KDM4C: variants seen among roughly 807,000 people sequenced by gnomAD.
KDM4C encodes the protein lysine-specific demethylase 4C.
KDM4C carries 81 observed loss-of-function variants against 129.3 expected under a neutral mutation model. That is an observed-to-expected ratio of 0.63 (90% CI 0.52 to 0.75). The LOEUF is 0.75. Among genes scored for constraint, KDM4C ranks in the 30% least tolerant of loss-of-function variants. KDM4C has a pLI of 0.00. For synonymous variants in KDM4C, 573 were observed against 456.1 expected, an observed-to-expected ratio of 1.26 and a Z score of -3.26; for missense variants, 1,457 against 1,304.0, an observed-to-expected ratio of 1.12 and a Z score of -1.81.
intron 15 of KDM4C, among the ~76,000 whole-genome samples, chr9:7,017,429 T>C (rs1414680439): frequency 6.6e-6 from 1 of 152,230 alleles, no homozygotes; most frequent in Non-Finnish European, 1.5e-5. Flanking sequence ...TCTAAAGACC[T>C]TGTTAAAAAT....
chr9:6,742,861 AG>A (rs943113791), intron 1 of KDM4C, among the ~76,000 whole-genome samples: 59 of 152,100 alleles, frequency 3.9e-4, no homozygotes, highest in African/African-American at 1.3e-3. Flanking sequence ...AAACATCTTC[AG>A]TGTCAGTAGC....
intron 19 of KDM4C, among the ~76,000 whole-genome samples, chr9:7,163,853 GT>G (rs1191299462): frequency 1.3e-5 from 2 of 152,168 alleles, no homozygotes; most frequent in African/African-American, 4.8e-5. Flanking sequence ...CATATTGTCA[GT>G]TCTGTAGAGC....
chr9:7,078,405 T>C lies in KDM4C; in HGVS notation c.2425-25280T>C, dbSNP rs554110971. ...TTCCTAGGTTTCCTTTTTTTTTTTG[T>C]CTTCAACACAGAGCCTCTGGGTTTT... is the stretch of plus-strand genomic sequence containing the variant. On this transcript the variant is annotated intron_variant, in intron 17 of 21. Coordinates refer to ENST00000381309, the MANE Select transcript of KDM4C (RefSeq NM_015061.6). Among the ~76,000 whole-genome samples, 110 of 151,952 alleles carry C rather than the reference T, an allele frequency of 7.2e-4. 2 individuals are homozygous for C. The highest frequency in any genetic ancestry group is 6.8e-3 in the Middle Eastern group (2 of 294).
intron 19 of KDM4C, among the ~76,000 whole-genome samples, chr9:7,128,834 C>T (rs1202351887): frequency 6.6e-6 from 1 of 152,098 alleles, no homozygotes; most frequent in Non-Finnish European, 1.5e-5. Flanking sequence ...TCTCCATCTC[C>T]TCCTTCCTCT....
intron 1 of KDM4C, 120 bp from the exon 2 acceptor site, chr9:6,792,852 G>A: frequency 1.0e-6 from 1 of 968,456 alleles, no homozygotes; most frequent in Non-Finnish European, 1.6e-6. Context: ...ACTGGTAGAA[G>A]GGAATGGGAA....
intron 1 of KDM4C, among the ~76,000 whole-genome samples, chr9:6,777,032 A>G (rs774762647): frequency 5.3e-5 from 8 of 152,196 alleles, no homozygotes; most frequent in Middle Eastern, 3.4e-3. Flanking sequence ...TGTATTGTCA[A>G]CTTTTCCAGG....
At chr9:6,902,302 A>C (rs1169630945) in intron 8 of KDM4C, among the ~76,000 whole-genome samples, 1 of 152,102 alleles carries the variant, frequency 6.6e-6, no homozygotes, top group Non-Finnish European at 1.5e-5. Flanking sequence ...TTTTAAGGGG[A>C]GGAAGGGAGA....
chr9:6,872,770 C>T (rs1372396589), intron 5 of KDM4C, among the ~76,000 whole-genome samples: 2 of 152,030 alleles, frequency 1.3e-5, no homozygotes, highest in South Asian at 2.1e-4. Context: ...GGTCTTTGCA[C>T]GTGAGATGAG....
chr9:7,037,819 A>G (rs1423772600), intron 15 of KDM4C, among the ~76,000 whole-genome samples: 1 of 152,154 alleles, frequency 6.6e-6, no homozygotes, highest in Admixed American at 6.5e-5. Context: ...TAATCATGTT[A>G]CAACAGGCAT....
intron 13 of KDM4C, among the ~76,000 whole-genome samples, chr9:7,012,543 G>T (rs1822900287): frequency 6.6e-6 from 1 of 152,072 alleles, no homozygotes; most frequent in Admixed American, 6.6e-5. Context: ...AATTTTAAGT[G>T]TCTCTTTTCA....
In KDM4C at chr9:6,849,552, G is replaced by T; in HGVS notation, c.481G>T (p.Val161Leu). 3 of 1,613,076 alleles carry T rather than the reference G, an allele frequency of 1.9e-6. No homozygotes were observed. Among genetic ancestry groups the T allele is most frequent in the Non-Finnish European group, 2.5e-6 (3 of 1,179,232 alleles). ...AGCTCGCCTCAATACAGTCTTGGAT[G>T]TGGTTGAAGAAGAGTGTGGCATTTC... Reference protein sequence around the residue: ...NIARLNTVLDVVEEECGISIE... With the variant: ...NIARLNTVLDLVEEECGISIE... Residue 161 changes from valine (V) to leucine (L), a missense_variant, in exon 5 of 22, where the codon GTG becomes TTG. Transcript: ENST00000381309.
chr9:6,913,717 T>G (rs1371995125), intron 8 of KDM4C, among the ~76,000 whole-genome samples: 1 of 152,238 alleles, frequency 6.6e-6, no homozygotes, highest in Non-Finnish European at 1.5e-5. Context: ...GGACAGTTTC[T>G]ACTCTATTAT....
At chr9:6,779,032 C>CCTTTTTTTTTT (rs372481015) in intron 1 of KDM4C, among the ~76,000 whole-genome samples, 7 of 94,628 alleles carry the variant, frequency 7.4e-5, no homozygotes, top group East Asian at 7.5e-4. Flanking sequence ...TGATTAAAGT[C>CCTTTTTTTTTT]TTTTTTTTTT....
intron 8 of KDM4C, among the ~76,000 whole-genome samples, chr9:6,949,985 G>C (rs1251453550): frequency 6.6e-6 from 1 of 151,730 alleles, no homozygotes; most frequent in East Asian, 1.9e-4. Context: ...TTTAGCCCAA[G>C]GAGTCACATT....
Position 7,060,448 on chromosome 9 carries a change from ATTG to A in KDM4C, c.2424+11254_2424+11256del, listed in dbSNP as rs1256025618. On this transcript the variant is annotated intron_variant, in intron 17 of 21. Transcript: ENST00000381309. ...AAATCAGGGATGACTTTTTAGCAGT[ATTG>A]TTGTTATTATTATTATTATTATTAT... Among the ~76,000 whole-genome samples the A allele has an allele frequency of 6.1e-3, 754 of 123,538 alleles. 8 individuals carry two copies. Among genetic ancestry groups the A allele is most frequent in the African/African-American group, 0.012 (331 of 27,960 alleles). 81.0% of individuals were successfully genotyped at this position (123,538 alleles called of 152,430 possible).
At chr9:6,721,415 C>G (rs1488181472) in intron 1 of KDM4C, among the ~76,000 whole-genome samples, 3 of 151,538 alleles carry the variant, frequency 2.0e-5, no homozygotes, top group Non-Finnish European at 4.4e-5. Context: ...TCCCAAGTAG[C>G]TGGGACCACA....
chr9:6,771,476 TA>T (rs550759345), intron 1 of KDM4C, among the ~76,000 whole-genome samples: 24 of 151,768 alleles, frequency 1.6e-4, no homozygotes, highest in African/African-American at 5.6e-4. Flanking sequence ...CATGCCCTGC[TA>T]ATTTTGTGTT....
At chr9:7,011,058 A>G (rs960706705) in intron 12 of KDM4C, among the ~76,000 whole-genome samples, 1 of 152,194 alleles carries the variant, frequency 6.6e-6, no homozygotes, top group Non-Finnish European at 1.5e-5. Context: ...AAAGAAAAAA[A>G]GAAAGAAAAA....
At chr9:6,990,727 T>C (rs1490512958) in intron 12 of KDM4C, among the ~76,000 whole-genome samples, 1 of 152,178 alleles carries the variant, frequency 6.6e-6, no homozygotes, top group Non-Finnish European at 1.5e-5. Context: ...GCTAGCCTTA[T>C]TACTGGTAAA....
Sources: gnomAD v4.1 joint callset for allele counts (sites outside exome capture counted in the v4.1 genomes callset) on GRCh38, gnomAD v4.1.1 for gene constraint, MANE v1.5 for transcripts, NCBI Gene and HGNC (gene_info 2026-07-23, HGNC 2026-07-21) for gene names.